STT3B: variants seen among roughly 807,000 people sequenced by gnomAD.
The protein encoded by STT3B is dolichyl-diphosphooligosaccharide--protein glycosyltransferase subunit STT3B.
In STT3B, 29 loss-of-function variants were observed where a neutral mutation model predicts 96.8. That is an observed-to-expected ratio of 0.30 (90% CI 0.22 to 0.41). STT3B has a LOEUF of 0.41. STT3B is among the 10% of genes least tolerant of loss of function. STT3B has a pLI of 1.00. For missense variants in STT3B, 640 were observed against 1,022.3 expected (o/e 0.63, Z 5.10); for synonymous variants, 367 against 360.0 (o/e 1.02, Z -0.22).
At chr3:31,588,938 C>T (rs1698606625) in intron 3 of STT3B, among the ~76,000 whole-genome samples, 1 of 151,964 alleles carries the variant, frequency 6.6e-6, no homozygotes, top group African/African-American at 2.4e-5. Flanking sequence ...AGTCTTGTTT[C>T]AATATCATGT....
intron 9 of STT3B, 142 bp from the exon 10 acceptor site, chr3:31,621,955 C>T (rs985491278): frequency 6.4e-6 from 4 of 627,436 alleles, no homozygotes; most frequent in African/African-American, 5.5e-5. Flanking sequence ...ATCAGTTGTT[C>T]AGTAGTATCA....
At chr3:31,605,292 G>A (rs1699026045) in intron 5 of STT3B, among the ~76,000 whole-genome samples, 1 of 151,934 alleles carries the variant, frequency 6.6e-6, no homozygotes, top group Non-Finnish European at 1.5e-5. Flanking sequence ...GTGTTATAAA[G>A]TACAAAATAG....
At chr3:31,585,284 C>G (rs1007566376) in intron 3 of STT3B, among the ~76,000 whole-genome samples, 1 of 151,992 alleles carries the variant, frequency 6.6e-6, no homozygotes, top group African/African-American at 2.4e-5. Context: ...GTTTGGTTTT[C>G]TCTTGGTTTG....
intron 1 of STT3B, among the ~76,000 whole-genome samples, chr3:31,559,213 T>C (rs1203713450): frequency 6.7e-6 from 1 of 150,322 alleles, no homozygotes; most frequent in Admixed American, 6.6e-5. Flanking sequence ...TTAGTTCTGC[T>C]CTGATTTTCA....
chr3:31,623,610 T>G (rs1699473527), intron 10 of STT3B, 64 bp from the exon 11 acceptor site: 2 of 1,278,292 alleles, frequency 1.6e-6, no homozygotes, highest in South Asian at 1.5e-5. Flanking sequence ...CTTTTTCCAT[T>G]GAGTATCTTA....
chr3:31,533,853 C>T (rs1204300329), intron 1 of STT3B, among the ~76,000 whole-genome samples: 1 of 152,240 alleles, frequency 6.6e-6, no homozygotes, highest in East Asian at 1.9e-4. Flanking sequence ...CCCGGCTGCT[C>T]ACCCTTGCAG....
At chr3:31,602,118 G>A (rs914696719) in intron 5 of STT3B, among the ~76,000 whole-genome samples, 3 of 152,018 alleles carry the variant, frequency 2.0e-5, no homozygotes, top group Non-Finnish European at 1.5e-5. Flanking sequence ...AAGGAGACCT[G>A]TCTCTGATTG....
intron 1 of STT3B, among the ~76,000 whole-genome samples, chr3:31,540,360 C>T (rs1372119775): frequency 6.6e-6 from 1 of 152,060 alleles, no homozygotes; most frequent in Non-Finnish European, 1.5e-5. Flanking sequence ...GGAAATGTTA[C>T]TGCATGAAGA....
intron 1 of STT3B, among the ~76,000 whole-genome samples, chr3:31,570,965 T>G (rs1383905160): frequency 2.0e-5 from 3 of 152,150 alleles, no homozygotes; most frequent in Admixed American, 6.6e-5. Flanking sequence ...GGATTCTTTC[T>G]GAACTGACTT....
At chr3:31,603,251 A>T (rs9310973) in intron 5 of STT3B, among the ~76,000 whole-genome samples, 148,886 of 152,168 alleles carry the variant, frequency 0.98, 72,886 homozygotes, top group East Asian at 1. Context: ...GATTTTTTCA[A>T]GTGTCCTTAA....
At chr3:31,573,235 A>G (rs1698198381) in intron 1 of STT3B, among the ~76,000 whole-genome samples, 1 of 152,146 alleles carries the variant, frequency 6.6e-6, no homozygotes, top group African/African-American at 2.4e-5. Flanking sequence ...TAAGAAGTGG[A>G]GGTTTTTCTG....
At chr3:31,628,259 G>T (rs1699577963) in intron 13 of STT3B, among the ~76,000 whole-genome samples, 1 of 152,058 alleles carries the variant, frequency 6.6e-6, no homozygotes, top group Non-Finnish European at 1.5e-5. Context: ...GTAATCACTG[G>T]TTATTTTCTT....
chr3:31,623,059 T>G (rs761733578), intron 10 of STT3B, among the ~76,000 whole-genome samples: 28 of 152,196 alleles, frequency 1.8e-4, no homozygotes, highest in Non-Finnish European at 3.1e-4. Context: ...ATTTTTGTGT[T>G]TGTTGTTATT....
chr3:31,576,005 A>G (rs1450456112), intron 1 of STT3B, among the ~76,000 whole-genome samples: 2 of 151,982 alleles, frequency 1.3e-5, no homozygotes, highest in Non-Finnish European at 2.9e-5. Context: ...TAGTGCTATT[A>G]TAGTTTAAAG....
At chr3:31,580,473 G>A (rs1234856827) in intron 3 of STT3B, among the ~76,000 whole-genome samples, 3 of 152,020 alleles carry the variant, frequency 2.0e-5, no homozygotes, top group South Asian at 4.1e-4. Flanking sequence ...CTGCTGCCAG[G>A]CTATTTAAAC....
intron 3 of STT3B, among the ~76,000 whole-genome samples, chr3:31,595,091 A>C (rs977352597): frequency 6.6e-6 from 1 of 152,128 alleles, no homozygotes; most frequent in African/African-American, 2.4e-5. Context: ...GTGTGACCTA[A>C]ACCCAGCAAA....
chr3:31,568,054 A>T (rs1698047300), intron 1 of STT3B, among the ~76,000 whole-genome samples: 1 of 150,644 alleles, frequency 6.6e-6, no homozygotes, highest in African/African-American at 2.4e-5. Context: ...CTCTATCTCC[A>T]TGAGTTCAAT....
intron 5 of STT3B, among the ~76,000 whole-genome samples, chr3:31,612,223 A>G (rs1699198347): frequency 6.6e-6 from 1 of 152,218 alleles, no homozygotes; most frequent in African/African-American, 2.4e-5. Context: ...AGGGATATTC[A>G]AATTGTGTCT....
rs908235531 is a variant in STT3B at position 31,614,630 on chromosome 3, TATG to T, written c.878-474_878-472del. ...AACTCATAGTACTATACAAAGGTAT[TATG>T]GGATAATAAAAAGGTATGAACTACT... On this transcript the variant is annotated intron_variant, in intron 5 of 15. Transcript: ENST00000295770. Among the ~76,000 whole-genome samples, 34 of 151,934 alleles carry T rather than the reference TATG, an allele frequency of 2.2e-4. 1 individual carries two copies. Among genetic ancestry groups the T allele is most frequent in the African/African-American group, 8.2e-4 (34 of 41,428 alleles).
Sources: allele counts gnomAD v4.1 joint callset (sites outside exome capture counted in the v4.1 genomes callset), GRCh38; gene constraint gnomAD v4.1.1; transcripts MANE v1.5; gene names NCBI Gene and HGNC (gene_info 2026-07-23, HGNC 2026-07-21).